Variants in LURAP1L observed in about 807,000 individuals in gnomAD.
The protein encoded by LURAP1L is leucine rich adaptor protein 1 like.
Under a neutral mutation model 13.8 loss-of-function variants are expected in LURAP1L, and 12 were observed. The observed-to-expected ratio is 0.87, with a 90% CI of 0.56 to 1.41. The LOEUF is 1.41. Ranked by LOEUF, LURAP1L falls within the 40% of genes most tolerant of loss-of-function variation. The pLI is 0.00. For missense variants in LURAP1L, 375 were observed against 292.9 expected (o/e 1.28, Z -2.04); for synonymous variants, 139 against 119.2 (o/e 1.17, Z -1.08).
At chr9:12,809,883 T>C (rs10809847) in intron 1 of LURAP1L, among the ~76,000 whole-genome samples, 56,636 of 152,042 alleles carry the variant, frequency 0.37, 11,870 homozygotes, top group African/African-American at 0.55. Flanking sequence ...TCTTTAAATA[T>C]GGTCAGAGGC....
chr9:12,779,152 G>A (rs530972848), intron 1 of LURAP1L, among the ~76,000 whole-genome samples: 7 of 151,998 alleles, frequency 4.6e-5, no homozygotes, highest in South Asian at 2.1e-4. Flanking sequence ...TAAAAGCAAA[G>A]CCATAGATAA....
Position 12,821,789 on chromosome 9 carries a change from C to T in LURAP1L, c.*29C>T, listed in dbSNP as rs753364708. ...CAGTTTTTTGCATGGGACTGGTGTG[C>T]AATGAACTTGTATTTATCCTTCTTC... On this transcript the variant is annotated 3_prime_UTR_variant, in exon 2 of 2. Transcript: ENST00000319264. 15 of 1,582,816 alleles carry T rather than the reference C, an allele frequency of 9.5e-6. No individual in the cohort carries two copies. The highest frequency in any genetic ancestry group is 1.2e-5 in the Non-Finnish European group (14 of 1,160,436).
In LURAP1L at chr9:12,807,769, C is replaced by T. The variant is rs578097075; in HGVS notation, c.313-13617C>T. 4.3e-5 allele frequency among the ~76,000 whole-genome samples: 5 copies of T among 115,012 alleles called. No homozygotes were observed. In the East Asian group the frequency reaches 1.5e-3, roughly 34 times the overall value. The allele number at this position is 115,012 out of a possible 152,430, so 75.5% of individuals were successfully genotyped here. On this transcript the variant is annotated intron_variant, in intron 1 of 1. Coordinates refer to ENST00000319264, the MANE Select transcript of LURAP1L (RefSeq NM_203403.2). Reference sequence around the variant, plus strand: ...CTCATTCATTCTTACTTTTTTCTTTCTCTCTTTTCTTTGCTTTTTTGTCTT... The same window carrying T: ...CTCATTCATTCTTACTTTTTTCTTTTTCTCTTTTCTTTGCTTTTTTGTCTT...
intron 1 of LURAP1L, among the ~76,000 whole-genome samples, chr9:12,817,159 T>C (rs927888592): frequency 2.0e-5 from 3 of 152,226 alleles, no homozygotes; most frequent in African/African-American, 4.8e-5. Context: ...GGAGAAGGAA[T>C]AGAAGGCATT....
intron 1 of LURAP1L, among the ~76,000 whole-genome samples, chr9:12,789,955 A>T (rs1006905522): frequency 6.6e-6 from 1 of 152,202 alleles, no homozygotes; most frequent in Admixed American, 6.5e-5. Flanking sequence ...ACAAAATTGT[A>T]TTGCAAATAA....
intron 1 of LURAP1L, among the ~76,000 whole-genome samples, chr9:12,816,159 T>A (rs1443769488): frequency 2.0e-5 from 3 of 152,136 alleles, no homozygotes; most frequent in Non-Finnish European, 4.4e-5. Flanking sequence ...TGTAGACTCT[T>A]CCTATTAAAT....
At chr9:12,791,410 T>C (rs1819439071) in intron 1 of LURAP1L, among the ~76,000 whole-genome samples, 1 of 152,060 alleles carries the variant, frequency 6.6e-6, no homozygotes, top group African/African-American at 2.4e-5. Context: ...TTTACCACCT[T>C]GCAAGAAGCT....
chr9:12,820,364 G>A (rs1168670098), intron 1 of LURAP1L, among the ~76,000 whole-genome samples: 1 of 151,808 alleles, frequency 6.6e-6, no homozygotes, highest in Non-Finnish European at 1.5e-5. Flanking sequence ...TTAGCCGGGC[G>A]TGGTGGCGGG....
At position 12,821,766 on chromosome 9, in the gene LURAP1L, G is replaced by T; in HGVS notation, c.*6G>T. The T allele has an allele frequency of 6.2e-7, 1 of 1,605,532 alleles. No homozygotes were observed. The highest frequency in any genetic ancestry group is 8.5e-7 in the Non-Finnish European group (1 of 1,173,500). ...AATACTACTGCTTTGGCTAGTGACA[G>T]TTTTTTGCATGGGACTGGTGTGCAA... On this transcript the variant is annotated 3_prime_UTR_variant, in exon 2 of 2. Coordinates refer to ENST00000319264, the MANE Select transcript of LURAP1L (RefSeq NM_203403.2).
intron 1 of LURAP1L, among the ~76,000 whole-genome samples, chr9:12,815,415 C>T (rs1265837885): frequency 6.6e-6 from 1 of 152,118 alleles, no homozygotes; most frequent in Non-Finnish European, 1.5e-5. Context: ...CTCTCTTCCA[C>T]CAACTACAAA....
At chr9:12,781,593 T>G (rs1332007483) in intron 1 of LURAP1L, among the ~76,000 whole-genome samples, 2 of 152,180 alleles carry the variant, frequency 1.3e-5, no homozygotes, top group Non-Finnish European at 2.9e-5. Context: ...AGATTCTAAT[T>G]CTTTTCTTCT....
intron 1 of LURAP1L, among the ~76,000 whole-genome samples, chr9:12,784,743 G>C (rs1047378363): frequency 6.6e-6 from 1 of 151,194 alleles, no homozygotes. Flanking sequence ...TCAGCAGGTG[G>C]TGAATCATTC....
chr9:12,815,249 A>G (rs1455084860), intron 1 of LURAP1L, among the ~76,000 whole-genome samples: 1 of 152,208 alleles, frequency 6.6e-6, no homozygotes, highest in Non-Finnish European at 1.5e-5. Context: ...TTTGAACACA[A>G]GGAGCTTATG....
intron 1 of LURAP1L, among the ~76,000 whole-genome samples, chr9:12,794,116 G>C (rs547399479): frequency 1.8e-4 from 27 of 152,178 alleles, no homozygotes; most frequent in African/African-American, 5.5e-4. Context: ...CAGAGACTGA[G>C]TGATTCGCAG....
intron 1 of LURAP1L, among the ~76,000 whole-genome samples, chr9:12,815,034 C>G (rs545808712): frequency 6.6e-6 from 1 of 152,184 alleles, no homozygotes; most frequent in African/African-American, 2.4e-5. Context: ...GCATTCCAAA[C>G]CAAAAACAGT....
Position 12,822,951 on chromosome 9 carries a change from T to C in LURAP1L, c.*1191T>C, listed in dbSNP as rs1456057856. Among the ~76,000 whole-genome samples, 2 of 152,258 alleles carry C rather than the reference T, an allele frequency of 1.3e-5. No homozygotes were observed. The highest frequency in any genetic ancestry group is 3.8e-4 in the East Asian group (2 of 5,200). On this transcript the variant is annotated 3_prime_UTR_variant, in exon 2 of 2. Coordinates refer to ENST00000319264, the MANE Select transcript of LURAP1L (RefSeq NM_203403.2). The stretch of plus-strand genomic sequence containing the variant: ...TTCCTTCTTATAACTGAGAAATGTT[T>C]CACCCAAATTTCCTTTGTTATTATA...
chr9:12,821,789 C>A lies in LURAP1L; in HGVS notation c.*29C>A, dbSNP rs753364708. 39 of 1,582,816 alleles carry A rather than the reference C, an allele frequency of 2.5e-5. No homozygotes were observed. The highest frequency in any genetic ancestry group is 5.4e-5 in the African/African-American group (4 of 74,046). ...CAGTTTTTTGCATGGGACTGGTGTG[C>A]AATGAACTTGTATTTATCCTTCTTC... is the stretch of plus-strand genomic sequence containing the variant. On this transcript the variant is annotated 3_prime_UTR_variant, in exon 2 of 2. Transcript: ENST00000319264.
intron 1 of LURAP1L, among the ~76,000 whole-genome samples, chr9:12,793,319 C>G (rs764884499): frequency 6.6e-6 from 1 of 151,966 alleles, no homozygotes; most frequent in Non-Finnish European, 1.5e-5. Context: ...TATAAAACAA[C>G]CATTTTCTTA....
chr9:12,810,179 C>G (rs1052252006), intron 1 of LURAP1L, among the ~76,000 whole-genome samples: 1 of 152,110 alleles, frequency 6.6e-6, no homozygotes, highest in Non-Finnish European at 1.5e-5. Flanking sequence ...ATATTGAGAA[C>G]CTGGTAGGTT....
Sources: gnomAD v4.1 joint callset for allele counts (sites outside exome capture counted in the v4.1 genomes callset) on GRCh38, gnomAD v4.1.1 for gene constraint, MANE v1.5 for transcripts, NCBI Gene and HGNC (gene_info 2026-07-23, HGNC 2026-07-21) for gene names.